The following DOP1B variants were observed in gnomAD, a reference collection of about 807,000 sequenced individuals.
DOP1B encodes the protein protein DOP1B.
DOP1B carries 174 observed loss-of-function variants against 233.5 expected under a neutral mutation model. The ratio of observed to expected loss-of-function variants is 0.75; its 90% CI spans 0.66 to 0.85. The LOEUF (loss-of-function observed/expected upper bound fraction) is 0.85, where lower values mean the gene tolerates loss of function less well. DOP1B is among the 40% of genes least tolerant of loss of function. The pLI is 0.00. For synonymous variants in DOP1B, 1,190 were observed against 1,185.6 expected, an observed-to-expected ratio of 1.00 and a Z score of -0.08; for missense variants, 2,652 against 2,846.6, an observed-to-expected ratio of 0.93 and a Z score of 1.56.
Position 36,230,644 on chromosome 21 carries a change from C to T in DOP1B, c.1860C>T (p.Gly620=), listed in dbSNP as rs748296644. ...SLERDDVWKK[G]GSMQRTFLCI... is the part of the protein sequence containing the mutation. ...AAAGGGACGACGTTTGGAAGAAGGG[C>T]GGGAGCATGCAGAGGACGTTTCTTT... The change falls in exon 14 of 37, where the codon GGC becomes GGT. Residue 620 remains glycine (G), a synonymous_variant. Transcript: ENST00000691173. 2.9e-5 allele frequency: 47 copies of T among 1,613,994 alleles called. No homozygotes were observed. Among genetic ancestry groups the T allele is most frequent in the South Asian group, 2.2e-4 (20 of 91,080 alleles).
At chr21:36,184,443 C>G (rs2123438261) in intron 2 of DOP1B, among the ~76,000 whole-genome samples, 2 of 152,310 alleles carry the variant, frequency 1.3e-5, no homozygotes, top group East Asian at 3.9e-4. Context: ...CTCGGCCTCC[C>G]AGAGTGCTGG....
intron 35 of DOP1B, 24 bp from the exon 36 acceptor site, chr21:36,292,080 T>C: frequency 1.3e-6 from 2 of 1,579,952 alleles, no homozygotes; most frequent in African/African-American, 2.7e-5. Context: ...CCAGCAGACC[T>C]GACCTTCTGT....
At chr21:36,233,620 C>T (rs1196320017) in intron 15 of DOP1B, among the ~76,000 whole-genome samples, 3 of 152,162 alleles carry the variant, frequency 2.0e-5, no homozygotes, top group Non-Finnish European at 2.9e-5. Context: ...ACCGAAATGT[C>T]GTAGGTTTTC....
At chr21:36,183,600 A>G (rs1488283936) in intron 2 of DOP1B, among the ~76,000 whole-genome samples, 4 of 152,210 alleles carry the variant, frequency 2.6e-5, no homozygotes, top group African/African-American at 9.6e-5. Context: ...CAGGACGCCT[A>G]CAGAGCAGTT....
intron 1 of DOP1B, among the ~76,000 whole-genome samples, chr21:36,158,391 C>T (rs1293005086): frequency 6.6e-6 from 1 of 152,212 alleles, no homozygotes; most frequent in Admixed American, 6.5e-5. Flanking sequence ...CTGACCTGAG[C>T]TCGAATCTGG....
rs1569039083 is a variant in DOP1B at position 36,233,095 on chromosome 21, CT to C, written c.2622+21del. On this transcript the variant is annotated intron_variant, in intron 15 of 36. Coordinates refer to ENST00000691173, the MANE Select transcript of DOP1B (RefSeq NM_001320714.2). ...TATCAGGTATTTCCCACTGGGAACA[CT>C]CTTCTTATGGCCTCCTTCTCCCCCT... 8 of 1,611,390 alleles carry C rather than the reference CT, an allele frequency of 5.0e-6. No homozygotes were observed. Among genetic ancestry groups the C allele is most frequent in the Middle Eastern group, 1.7e-4 (1 of 6,054 alleles).
At chr21:36,226,932 A>G (rs190163200) in intron 12 of DOP1B, among the ~76,000 whole-genome samples, 11 of 152,082 alleles carry the variant, frequency 7.2e-5, no homozygotes, top group African/African-American at 1.9e-4. Flanking sequence ...TTAATATGGT[A>G]TGGTGGCTCA....
chr21:36,242,801 C>T (rs1373754965), intron 18 of DOP1B, among the ~76,000 whole-genome samples: 1 of 152,130 alleles, frequency 6.6e-6, no homozygotes, highest in East Asian at 1.9e-4. Flanking sequence ...CTGTAGAAAT[C>T]TATTTTTAAA....
intron 2 of DOP1B, among the ~76,000 whole-genome samples, chr21:36,188,802 G>T (rs750406213): frequency 4.6e-5 from 7 of 152,156 alleles, no homozygotes; most frequent in Non-Finnish European, 8.8e-5. Flanking sequence ...AAAGTAGGGT[G>T]ACTGTCTCTT....
At chr21:36,292,894 G>A (rs1025545809) in intron 36 of DOP1B, among the ~76,000 whole-genome samples, 3 of 152,178 alleles carry the variant, frequency 2.0e-5, no homozygotes, top group African/African-American at 2.4e-5. Flanking sequence ...GATTACAGGC[G>A]AGAGCCACCG....
chr21:36,264,939 ATCAC>A (rs2067215696), intron 26 of DOP1B, among the ~76,000 whole-genome samples: 1 of 152,232 alleles, frequency 6.6e-6, no homozygotes, highest in South Asian at 2.1e-4. Context: ...AGTTGGAAAA[ATCAC>A]TGTTTTGCAA....
chr21:36,289,152 A>G lies in DOP1B; in HGVS notation c.6461A>G (p.Lys2154Arg). The G allele has an allele frequency of 6.2e-7, 1 of 1,614,090 alleles. No individual in the cohort carries two copies. The highest frequency in any genetic ancestry group is 8.5e-7 in the Non-Finnish European group (1 of 1,180,016). Reference protein sequence around the residue: ...SELILYLSACKFLDTALSFPP... With the variant: ...SELILYLSACRFLDTALSFPP... ...CTCATCTTGTATTTATCAGCTTGCA[A>G]ATTCTTGGACACAGCGCTTTCTTTT... is the stretch of plus-strand genomic sequence containing the variant. Residue 2154 changes from lysine to arginine, a missense_variant, in exon 35 of 37, where the codon AAA becomes AGA. This residue lies in a region of DOP1B where 2,617 missense variants were observed against 2,794.3 expected (regional missense o/e 0.94). Transcript: ENST00000691173.
At position 36,288,037 on chromosome 21, in the gene DOP1B, G is replaced by T; in HGVS notation, c.6184G>T (p.Val2062Phe). Residue 2062 changes from valine (V) to phenylalanine (F), a missense_variant, in exon 33 of 37, where the codon GTT (valine) becomes TTT (phenylalanine). By Grantham distance (50) the Val-to-Phe change is conservative. Transcript: ENST00000691173. Reference sequence around the variant, plus strand: ...AGAACGCCTGACAGACAATCTCAGAGTTGGACAGACATCCATAGTTGCTGC... The same window carrying T: ...AGAACGCCTGACAGACAATCTCAGATTTGGACAGACATCCATAGTTGCTGC... ...IQERLTDNLR[V>F]GQTSIVAAQM... is the part of the protein sequence containing the mutation. 2 of 1,613,922 alleles carry T rather than the reference G, an allele frequency of 1.2e-6. No individual in the cohort carries two copies. The highest frequency in any genetic ancestry group is 1.7e-6 in the Non-Finnish European group (2 of 1,179,986).
At chr21:36,176,986 T>C (rs866630917) in intron 2 of DOP1B, among the ~76,000 whole-genome samples, 5 of 151,678 alleles carry the variant, frequency 3.3e-5, no homozygotes, top group Non-Finnish European at 1.5e-5. Context: ...ACCTGGCTAA[T>C]TTTTTTTGTA....
intron 23 of DOP1B, among the ~76,000 whole-genome samples, chr21:36,256,235 G>A (rs141473982): frequency 1.1e-3 from 175 of 152,238 alleles, no homozygotes; most frequent in Middle Eastern, 6.8e-3. Context: ...TAGTCCAGGA[G>A]TTCGAGACCA....
In DOP1B at chr21:36,251,246, T is replaced by A; in HGVS notation, c.5083T>A (p.Trp1695Arg). 6.2e-7 allele frequency: 1 copy of A among 1,613,938 alleles called. No homozygotes were observed. Among genetic ancestry groups the A allele is most frequent in the Non-Finnish European group, 8.5e-7 (1 of 1,179,988 alleles). The stretch of plus-strand genomic sequence containing the variant: ...GTTGACAGCGGCTGTTGCGGCAGTG[T>A]GGAGCAGAAAGAAAGCCCAGCGTCA... ...VQLTAAVAAV[W>R]SRKKAQRHSK... Residue 1695 changes from tryptophan (W) to arginine (R), a missense_variant, in exon 22 of 37, where the codon TGG (tryptophan) becomes AGG (arginine). Coordinates refer to ENST00000691173, the MANE Select transcript of DOP1B (RefSeq NM_001320714.2).
chr21:36,213,584 A>T (rs2066525161), intron 7 of DOP1B, among the ~76,000 whole-genome samples: 1 of 150,540 alleles, frequency 6.6e-6, no homozygotes, highest in Non-Finnish European at 1.5e-5. Context: ...TGAGGTCAGG[A>T]GTTTAAGAGC....
At chr21:36,258,881 G>A (rs185828082) in intron 23 of DOP1B, among the ~76,000 whole-genome samples, 72 of 152,138 alleles carry the variant, frequency 4.7e-4, no homozygotes, top group Admixed American at 7.9e-4. Flanking sequence ...GAATGTAAAA[G>A]GACCCGGATG....
intron 18 of DOP1B, 141 bp downstream of exon 18, chr21:36,240,096 G>T (rs1208793795): frequency 2.0e-6 from 2 of 979,868 alleles, no homozygotes; most frequent in South Asian, 1.8e-5. Flanking sequence ...GAGGACTTCG[G>T]CAATTTAAGG....
Sources: gnomAD v4.1 joint callset for allele counts (sites outside exome capture counted in the v4.1 genomes callset) on GRCh38, gnomAD v4.1.1 for gene constraint, gnomAD v4.1.1 regional missense constraint, MANE v1.5 for transcripts, NCBI Gene and HGNC (gene_info 2026-07-23, HGNC 2026-07-21) for gene names.